The following EXOC2 variants were observed in gnomAD, a reference collection of about 807,000 sequenced individuals.
EXOC2 encodes the protein exocyst complex component 2, also known as SEC5-like 1.
Under a neutral mutation model 131.8 loss-of-function variants are expected in EXOC2, and 70 were observed. That is an observed-to-expected ratio of 0.53 (90% CI 0.44 to 0.65). EXOC2 has a LOEUF of 0.65. Among genes scored for constraint, EXOC2 ranks in the 30% least tolerant of loss-of-function variants. The pLI is 0.00. For missense variants in EXOC2, 923 were observed against 1,108.6 expected (o/e 0.83, Z 2.38); for synonymous variants, 411 against 398.4 (o/e 1.03, Z -0.38).
chr6:500,742 T>C (rs1263159801), intron 23 of EXOC2, among the ~76,000 whole-genome samples: 2 of 152,084 alleles, frequency 1.3e-5, no homozygotes, highest in African/African-American at 2.4e-5. Flanking sequence ...ATCTCCTCTA[T>C]AGAACAGGGA....
Position 629,941 on chromosome 6 carries a change from C to T in EXOC2, c.316G>A (p.Val106Met), listed in dbSNP as rs1238432006. Reference sequence around the variant, plus strand: ...TAATAATTCATTTCATCAACCCACACAGCAGACTGATCCAAAATGCCTACA... The same window carrying T: ...TAATAATTCATTTCATCAACCCACATAGCAGACTGATCCAAAATGCCTACA... ...EKIGILDQSAVWVDEMNYYDM... is the reference protein window; with the variant it reads ...EKIGILDQSAMWVDEMNYYDM... Residue 106 changes from valine to methionine, a missense_variant, in exon 4 of 28, where the codon GTG (valine) becomes ATG (methionine). Physicochemically the swap from Val to Met is conservative, Grantham distance 21. Transcript: ENST00000230449. 1.9e-6 allele frequency: 3 copies of T among 1,613,900 alleles called. No individual in the cohort carries two copies. Among genetic ancestry groups the T allele is most frequent in the African/African-American group, 1.3e-5 (1 of 74,926 alleles).
At chr6:605,925 G>T (rs937649451) in intron 7 of EXOC2, among the ~76,000 whole-genome samples, 7 of 152,184 alleles carry the variant, frequency 4.6e-5, no homozygotes, top group African/African-American at 1.7e-4. Flanking sequence ...TGGTTTCAAA[G>T]AACATCTTTA....
chr6:576,463 G>A (rs1171521037), intron 12 of EXOC2, among the ~76,000 whole-genome samples: 2 of 151,834 alleles, frequency 1.3e-5, no homozygotes, highest in Non-Finnish European at 2.9e-5. Flanking sequence ...TTTTTTCTGT[G>A]GCACTTTAAA....
intron 20 of EXOC2, among the ~76,000 whole-genome samples, chr6:554,413 T>C (rs1023896014): frequency 6.6e-6 from 1 of 152,216 alleles, no homozygotes. Flanking sequence ...TCTGTTAACA[T>C]GGGCAACATG....
intron 12 of EXOC2, among the ~76,000 whole-genome samples, chr6:574,369 GAACA>G (rs772536078): frequency 9.5e-4 from 145 of 152,278 alleles, no homozygotes; most frequent in East Asian, 2.1e-3. Flanking sequence ...CCTCATCAAT[GAACA>G]AACAAACATA....
At chr6:555,153 C>T in intron 20 of EXOC2, 74 bp downstream of exon 20, 1 of 826,906 alleles carries the variant, frequency 1.2e-6, no homozygotes, top group Non-Finnish European at 1.8e-6. Context: ...GGATATAAGA[C>T]CAAGCATAAA....
rs748791251 is a variant in EXOC2 at position 633,108 on chromosome 6, A to G, written c.128T>C (p.Ile43Thr). The G allele has an allele frequency of 1.2e-6, 2 of 1,613,040 alleles. No homozygotes were observed. Among genetic ancestry groups the G allele is most frequent in the African/African-American group, 2.7e-5 (2 of 74,936 alleles). ...CGTCAGGAGGCAATTATGTCCACAA[A>G]TGGTCAAGCCTGAAAATAAACGCAT... is the stretch of plus-strand genomic sequence containing the variant. Reference protein sequence around the residue: ...TGPTDLIGLTICGHNCLLTAE... With the variant: ...TGPTDLIGLTTCGHNCLLTAE... The change falls in exon 3 of 28, where the codon ATT (isoleucine) becomes ACT (threonine). Residue 43 changes from isoleucine to threonine, a missense_variant. Coordinates refer to ENST00000230449, the MANE Select transcript of EXOC2 (RefSeq NM_018303.6).
chr6:605,222 A>G (rs1760335828), intron 7 of EXOC2, among the ~76,000 whole-genome samples: 1 of 152,224 alleles, frequency 6.6e-6, no homozygotes, highest in Admixed American at 6.5e-5. Context: ...GGGCTATGAC[A>G]GGGGCTGTGC....
chr6:649,036 C>T (rs1766842), intron 1 of EXOC2, among the ~76,000 whole-genome samples: 7,380 of 152,084 alleles, frequency 0.049, 383 homozygotes, highest in African/African-American at 0.13. Context: ...TTGTAAGAGA[C>T]GGAGCCTCGT....
At chr6:585,438 T>G (rs945989707) in intron 11 of EXOC2, among the ~76,000 whole-genome samples, 1 of 152,168 alleles carries the variant, frequency 6.6e-6, no homozygotes. Context: ...TGTATATTAT[T>G]ACTACAAAAA....
intron 1 of EXOC2, among the ~76,000 whole-genome samples, chr6:658,629 A>AATATATATATATATATTTTATATATATAT (rs1194005316): frequency 1.4e-4 from 17 of 119,894 alleles, no homozygotes; most frequent in Non-Finnish European, 2.6e-4. Context: ...GGATATTTAA[A>AATATATATATATATATTTTATATATATAT]ATATATATAT....
chr6:658,881 C>T (rs1274426238), intron 1 of EXOC2, among the ~76,000 whole-genome samples: 2 of 151,822 alleles, frequency 1.3e-5, no homozygotes, highest in African/African-American at 4.8e-5. Flanking sequence ...AGGCTGGTCT[C>T]GAACTCCTGA....
chr6:621,593 AATG>A (rs1464278045), intron 4 of EXOC2, among the ~76,000 whole-genome samples: 1 of 152,058 alleles, frequency 6.6e-6, no homozygotes, highest in Admixed American at 6.5e-5. Context: ...CCTTGCTTAG[AATG>A]ATGATAACAG....
At chr6:596,922 C>A (rs1421476249) in intron 10 of EXOC2, among the ~76,000 whole-genome samples, 3 of 152,142 alleles carry the variant, frequency 2.0e-5, no homozygotes. Flanking sequence ...CTGACATAAA[C>A]TACATGTACA....
At chr6:670,738 A>G (rs1402262855) in intron 1 of EXOC2, among the ~76,000 whole-genome samples, 4 of 152,228 alleles carry the variant, frequency 2.6e-5, no homozygotes, top group Non-Finnish European at 1.5e-5. Context: ...CTCGCATCAC[A>G]TAAGAAAATG....
At chr6:591,597 C>T (rs1759545671) in intron 11 of EXOC2, among the ~76,000 whole-genome samples, 1 of 152,124 alleles carries the variant, frequency 6.6e-6, no homozygotes, top group South Asian at 2.1e-4. Flanking sequence ...TCCAATGTCA[C>T]TCAGAACTTC....
At chr6:538,219 T>G (rs1241971723) in intron 22 of EXOC2, among the ~76,000 whole-genome samples, 1 of 152,210 alleles carries the variant, frequency 6.6e-6, no homozygotes, top group Non-Finnish European at 1.5e-5. Flanking sequence ...TGTAAGGATT[T>G]AAACAGATAA....
intron 1 of EXOC2, among the ~76,000 whole-genome samples, chr6:639,760 A>G (rs1416211027): frequency 6.6e-6 from 1 of 152,226 alleles, no homozygotes; most frequent in Non-Finnish European, 1.5e-5. Flanking sequence ...GGAGGCGTAC[A>G]GGCCATGAGT....
chr6:677,054 A>T (rs1170842779), intron 1 of EXOC2, among the ~76,000 whole-genome samples: 2 of 52,380 alleles, frequency 3.8e-5, no homozygotes, highest in African/African-American at 1.0e-4. Flanking sequence ...CTTTCTCTGG[A>T]GACTCTGCGG....
Sources: allele counts gnomAD v4.1 joint callset (sites outside exome capture counted in the v4.1 genomes callset), GRCh38; gene constraint gnomAD v4.1.1; transcripts MANE v1.5; gene names NCBI Gene and HGNC (gene_info 2026-07-23, HGNC 2026-07-21).